The following HHLA2 variants were observed in gnomAD, a reference collection of about 807,000 sequenced individuals.
HHLA2 encodes the protein HERV-H LTR-associating protein 2.
In HHLA2, 48 loss-of-function variants were observed where a neutral mutation model predicts 45.9. The ratio of observed to expected loss-of-function variants is 1.05; its 90% CI spans 0.83 to 1.33. HHLA2 has a LOEUF of 1.33. Among genes scored for constraint, HHLA2 ranks in the 40% most tolerant of loss-of-function variants. The pLI is 0.00. For missense variants in HHLA2, 462 were observed against 494.3 expected (o/e 0.93, Z 0.62); for synonymous variants, 161 against 173.9 (o/e 0.93, Z 0.59).
chr3:108,298,071 G>A (rs1356194142), intron 1 of HHLA2, among the ~76,000 whole-genome samples: 2 of 152,150 alleles, frequency 1.3e-5, no homozygotes, highest in Admixed American at 6.5e-5. Context: ...CTTTTCCCCT[G>A]CCTAGTAGGA....
intron 3 of HHLA2, among the ~76,000 whole-genome samples, chr3:108,336,897 G>A (rs146243225): frequency 3.9e-5 from 6 of 152,038 alleles, no homozygotes; most frequent in Admixed American, 3.9e-4. Context: ...TTCTGGCTTG[G>A]GGATAAATGG....
At chr3:108,356,029 C>CTTTTTTTTT (rs3053487) in intron 6 of HHLA2, among the ~76,000 whole-genome samples, 2 of 118,228 alleles carry the variant, frequency 1.7e-5, no homozygotes, top group African/African-American at 3.2e-5. Context: ...ATTTGTTTTC[C>CTTTTTTTTT]TTTTTTTTTT....
chr3:108,331,590 T>G (rs533853123), intron 3 of HHLA2, among the ~76,000 whole-genome samples: 48 of 152,254 alleles, frequency 3.2e-4, no homozygotes, highest in Middle Eastern at 6.8e-3. Context: ...ACAGTGAAAT[T>G]TTTCCAATAG....
chr3:108,370,996 G>A (rs774566231), intron 8 of HHLA2, among the ~76,000 whole-genome samples: 2 of 152,106 alleles, frequency 1.3e-5, no homozygotes, highest in South Asian at 2.1e-4. Context: ...GATACTCCTC[G>A]AGAAGAGCAA....
chr3:108,355,037 A>G, intron 5 of HHLA2, 78 bp from the exon 5 acceptor site: 1 of 1,414,790 alleles, frequency 7.1e-7, no homozygotes, highest in Non-Finnish European at 9.5e-7. Context: ...CATGGATATT[A>G]AAAAGTATTC....
At chr3:108,366,452 ATC>A (rs1388466087) in intron 8 of HHLA2, among the ~76,000 whole-genome samples, 1 of 152,040 alleles carries the variant, frequency 6.6e-6, no homozygotes, top group Non-Finnish European at 1.5e-5. Flanking sequence ...TTTTTATTGT[ATC>A]TCTGTCAGGT....
At chr3:108,376,622 G>A (rs1174337330) in intron 10 of HHLA2, 65 bp downstream of exon 9, 6 of 1,395,252 alleles carry the variant, frequency 4.3e-6, no homozygotes, top group Admixed American at 1.9e-5. Context: ...AAGGGTAATT[G>A]AAGTTCTGAC....
At chr3:108,306,173 A>G (rs570158488) in intron 1 of HHLA2, among the ~76,000 whole-genome samples, 1 of 152,112 alleles carries the variant, frequency 6.6e-6, no homozygotes, top group African/African-American at 2.4e-5. Flanking sequence ...CTCCTTTAAC[A>G]TCACAGTTGG....
At chr3:108,347,425 A>T (rs1224533541) in intron 3 of HHLA2, among the ~76,000 whole-genome samples, 2 of 152,046 alleles carry the variant, frequency 1.3e-5, no homozygotes, top group Non-Finnish European at 2.9e-5. Context: ...AGTCTCCAGG[A>T]ATGTATTTTG....
chr3:108,323,324 C>T (rs2081236355), intron 2 of HHLA2, among the ~76,000 whole-genome samples: 1 of 152,038 alleles, frequency 6.6e-6, no homozygotes, highest in Non-Finnish European at 1.5e-5. Flanking sequence ...ATGGATACCC[C>T]TATTCTCCAT....
intron 8 of HHLA2, among the ~76,000 whole-genome samples, chr3:108,372,069 A>G (rs2082186027): frequency 6.6e-6 from 1 of 152,008 alleles, no homozygotes; most frequent in Non-Finnish European, 1.5e-5. Context: ...TGACCACATA[A>G]TTGGAAGTAA....
At chr3:108,374,082 T>C (rs79206718) in intron 8 of HHLA2, among the ~76,000 whole-genome samples, 1 of 151,274 alleles carries the variant, frequency 6.6e-6, no homozygotes, top group Non-Finnish European at 1.5e-5. Context: ...CAAACCATAC[T>C]ACAAGGCTAC....
At chr3:108,358,667 A>C (rs1470047931) in intron 7 of HHLA2, among the ~76,000 whole-genome samples, 1 of 152,154 alleles carries the variant, frequency 6.6e-6, no homozygotes, top group Non-Finnish European at 1.5e-5. Flanking sequence ...TTCACTGCCA[A>C]AAACCATTAT....
rs1038699501 is a variant in HHLA2 at position 108,328,195 on chromosome 3, A to T, written c.-104-75A>T. 16 of 645,386 alleles carry T rather than the reference A, an allele frequency of 2.5e-5. 1 individual carries two copies. Among genetic ancestry groups the T allele is most frequent in the South Asian group, 1.1e-4 (4 of 35,000 alleles). 40.0% of individuals were successfully genotyped at this position (645,386 alleles called of 1,614,324 possible). On this transcript the variant is annotated intron_variant, in intron 2 of 10. Transcript: ENST00000619531. ...TGGTATAATATTTTCTTCCAAAGGG[A>T]ATTTGTTTTTATTTTACTGGTCATC...
chr3:108,326,106 G>T, intron 2 of HHLA2: 1 of 247,666 alleles, frequency 4.0e-6, no homozygotes. Context: ...GATGGTCTTC[G>T]GTGTCTTTTT....
At chr3:108,355,888 T>C (rs1324774036) in intron 6 of HHLA2, among the ~76,000 whole-genome samples, 2 of 152,188 alleles carry the variant, frequency 1.3e-5, no homozygotes, top group East Asian at 3.8e-4. Flanking sequence ...AACACCTCTA[T>C]CACAACATGG....
Position 108,377,411 on chromosome 3 carries a change from A to G in HHLA2, c.*133A>G, listed in dbSNP as rs115382207. On this transcript the variant is annotated 3_prime_UTR_variant, in exon 11 of 11. Transcript: ENST00000619531. ...AATTCTACCACTGCAAAGAGTTGTAACCATTTTCTGGTATCACATTTATTT... is the reference window on the plus strand; with the variant it reads ...AATTCTACCACTGCAAAGAGTTGTAGCCATTTTCTGGTATCACATTTATTT... 4,872 of 641,008 alleles carry G rather than the reference A, an allele frequency of 7.6e-3. 171 individuals carry two copies. In the African/African-American group the frequency reaches 0.08, roughly 10 times the overall value. 39.7% of individuals were successfully genotyped at this position (641,008 alleles called of 1,614,324 possible).
chr3:108,331,778 C>A (rs544731674), intron 3 of HHLA2, among the ~76,000 whole-genome samples: 1 of 152,272 alleles, frequency 6.6e-6, no homozygotes, highest in African/African-American at 2.4e-5. Flanking sequence ...TCAAAGTTTT[C>A]TTTACTCTTT....
chr3:108,370,225 AC>A (rs1252085304), intron 8 of HHLA2, among the ~76,000 whole-genome samples: 1 of 152,170 alleles, frequency 6.6e-6, no homozygotes, highest in African/African-American at 2.4e-5. Flanking sequence ...TGTTTAGTGG[AC>A]CTCCAGCAAA....
Sources: gnomAD v4.1 joint callset for allele counts (sites outside exome capture counted in the v4.1 genomes callset) on GRCh38, gnomAD v4.1.1 for gene constraint, MANE v1.5 for transcripts, NCBI Gene and HGNC (gene_info 2026-07-23, HGNC 2026-07-21) for gene names.